The following SLC14A2 variants were observed in gnomAD, a reference collection of about 807,000 sequenced individuals.
SLC14A2 encodes the protein urea transporter 2.
A neutral mutation model predicts 104.6 loss-of-function variants in SLC14A2; 91 were observed. That is an observed-to-expected ratio of 0.87 (90% CI 0.73 to 1.04). SLC14A2 has a LOEUF of 1.04. SLC14A2 is among the 50% of genes least tolerant of loss of function. The pLI is 0.00. For missense variants in SLC14A2, 1,189 were observed against 1,156.0 expected, an observed-to-expected ratio of 1.03 and a Z score of -0.41; for synonymous variants, 476 against 466.4, an observed-to-expected ratio of 1.02 and a Z score of -0.27.
chr18:45,267,782 C>T (rs1219415097), intron 1 of SLC14A2, among the ~76,000 whole-genome samples: 1 of 152,124 alleles, frequency 6.6e-6, no homozygotes, highest in African/African-American at 2.4e-5. Flanking sequence ...CATCCTGACA[C>T]TGAGGACACT....
intron 1 of SLC14A2, among the ~76,000 whole-genome samples, chr18:45,314,749 G>A (rs1365516724): frequency 6.6e-6 from 1 of 152,202 alleles, no homozygotes; most frequent in African/African-American, 2.4e-5. Flanking sequence ...CTTCAACAAT[G>A]TTGTAATGTC....
At chr18:45,273,871 A>G (rs886117528) in intron 1 of SLC14A2, among the ~76,000 whole-genome samples, 2 of 152,188 alleles carry the variant, frequency 1.3e-5, no homozygotes, top group Non-Finnish European at 2.9e-5. Flanking sequence ...TCTATAGAAC[A>G]GTATTGAAGG....
chr18:45,619,405 T>G (rs2045127474), intron 1 of SLC14A2, among the ~76,000 whole-genome samples: 1 of 152,108 alleles, frequency 6.6e-6, no homozygotes, highest in Admixed American at 6.5e-5. Flanking sequence ...CCAGCAATGA[T>G]CCCTCCAGGG....
intron 2 of SLC14A2, chr18:45,527,755 A>C (rs2043615970): frequency 6.6e-6 from 1 of 152,222 alleles, no homozygotes; most frequent in Non-Finnish European, 1.5e-5. Context: ...GATTAAATGC[A>C]ATGATATATT....
intron 1 of SLC14A2, among the ~76,000 whole-genome samples, chr18:45,291,183 T>C (rs1305973875): frequency 1.3e-5 from 2 of 152,162 alleles, no homozygotes; most frequent in Admixed American, 1.3e-4. Context: ...TATATAGTCA[T>C]GTGTGATTAA....
chr18:45,352,732 A>G (rs895254269), intron 1 of SLC14A2, among the ~76,000 whole-genome samples: 27 of 152,198 alleles, frequency 1.8e-4, no homozygotes, highest in African/African-American at 6.0e-4. Flanking sequence ...GTGGGGACAG[A>G]GCAAGCTTCC....
chr18:45,603,466 T>A (rs2044820767), intron 2 of SLC14A2, among the ~76,000 whole-genome samples: 2 of 152,162 alleles, frequency 1.3e-5, no homozygotes, highest in Admixed American at 1.3e-4. Context: ...GTGTATTACA[T>A]TGAATTAATT....
At chr18:45,504,477 A>C (rs143798065) in intron 2 of SLC14A2, among the ~76,000 whole-genome samples, 2 of 152,222 alleles carry the variant, frequency 1.3e-5, no homozygotes, top group African/African-American at 4.8e-5. Flanking sequence ...GTTTGTCTGC[A>C]TAACTGTTCC....
intron 1 of SLC14A2, among the ~76,000 whole-genome samples, chr18:45,248,502 T>C (rs2084389317): frequency 6.6e-6 from 1 of 151,934 alleles, no homozygotes; most frequent in Non-Finnish European, 1.5e-5. Flanking sequence ...ATAAGACCCC[T>C]GGACCACAGA....
intron 10 of SLC14A2, among the ~76,000 whole-genome samples, chr18:45,662,874 G>A (rs1374209250): frequency 1.3e-5 from 2 of 152,102 alleles, no homozygotes; most frequent in Non-Finnish European, 2.9e-5. Flanking sequence ...CCAATTACGA[G>A]ACCTGGGTGT....
chr18:45,486,988 G>A (rs2087619627), intron 2 of SLC14A2, among the ~76,000 whole-genome samples: 1 of 152,192 alleles, frequency 6.6e-6, no homozygotes, highest in South Asian at 2.1e-4. Context: ...TGACTCCTAA[G>A]GGACTGTATC....
chr18:45,371,518 T>C (rs1165889152), intron 1 of SLC14A2, among the ~76,000 whole-genome samples: 1 of 152,202 alleles, frequency 6.6e-6, no homozygotes, highest in Non-Finnish European at 1.5e-5. Context: ...TTCAATCCTT[T>C]TGCAGAGGAA....
chr18:45,667,204 C>G (rs2046040825), intron 13 of SLC14A2, 110 bp downstream of exon 13: 3 of 780,194 alleles, frequency 3.8e-6, no homozygotes, highest in Non-Finnish European at 6.1e-6. Context: ...TTAGACTAGA[C>G]TGCACTCTGT....
intron 1 of SLC14A2, among the ~76,000 whole-genome samples, chr18:45,397,702 C>A (rs1428434039): frequency 6.6e-6 from 1 of 152,036 alleles, no homozygotes; most frequent in Non-Finnish European, 1.5e-5. Flanking sequence ...GCTTTTGTTG[C>A]AGTTGCTTTT....
the SLC14A2 span, among the ~76,000 whole-genome samples, chr18:45,187,445 A>T: frequency 6.6e-6 from 1 of 152,196 alleles, no homozygotes; most frequent in African/African-American, 2.4e-5. Context: ...ATTGTGGAAC[A>T]ATAAAGGTTT....
intron 1 of SLC14A2, among the ~76,000 whole-genome samples, chr18:45,313,307 A>G (rs2085097554): frequency 6.6e-6 from 1 of 152,116 alleles, no homozygotes; most frequent in African/African-American, 2.4e-5. Flanking sequence ...CCACACTAGG[A>G]ATATGAGGAA....
chr18:45,376,831 A>G (rs967789427), intron 1 of SLC14A2, among the ~76,000 whole-genome samples: 2 of 152,156 alleles, frequency 1.3e-5, no homozygotes, highest in Non-Finnish European at 2.9e-5. Flanking sequence ...GATTCAATGG[A>G]TACTTTATAA....
the SLC14A2 span, among the ~76,000 whole-genome samples, chr18:45,192,865 C>T: frequency 6.6e-6 from 1 of 151,968 alleles, no homozygotes; most frequent in Admixed American, 6.6e-5. Context: ...ACTGTGTTAG[C>T]CAGGATGGTC....
intron 1 of SLC14A2, among the ~76,000 whole-genome samples, chr18:45,248,544 TCAAA>T (rs1427320670): frequency 6.6e-6 from 1 of 152,082 alleles, no homozygotes; most frequent in East Asian, 1.9e-4. Flanking sequence ...TTGAGCTTGT[TCAAA>T]CAAAGTCTCA....
Sources: allele counts gnomAD v4.1 joint callset (sites outside exome capture counted in the v4.1 genomes callset), GRCh38; gene constraint gnomAD v4.1.1; transcripts MANE v1.5; gene names NCBI Gene and HGNC (gene_info 2026-07-23, HGNC 2026-07-21).